EXT1: variants seen among roughly 807,000 people sequenced by gnomAD.
The protein encoded by EXT1 is exostosin glycosyltransferase 1.
A neutral mutation model predicts 82.5 loss-of-function variants in EXT1; 20 were observed. That is an observed-to-expected ratio of 0.24 (90% CI 0.17 to 0.35). The LOEUF (loss-of-function observed/expected upper bound fraction) is 0.35. Ranked by LOEUF, EXT1 falls within the 10% of genes least tolerant of loss-of-function variation. The pLI is 1.00. For missense variants in EXT1, 757 were observed against 936.5 expected (o/e 0.81, Z 2.50); for synonymous variants, 348 against 350.8 (o/e 0.99, Z 0.09).
chr8:117,927,559 T>C (rs1813976768), intron 1 of EXT1, among the ~76,000 whole-genome samples: 1 of 151,642 alleles, frequency 6.6e-6, no homozygotes, highest in Non-Finnish European at 1.5e-5. Context: ...GGATTCAGAC[T>C]CTCAAAAGAG....
At chr8:117,886,767 T>A (rs184006811) in intron 1 of EXT1, among the ~76,000 whole-genome samples, 135 of 152,328 alleles carry the variant, frequency 8.9e-4, no homozygotes, top group African/African-American at 2.7e-3. Flanking sequence ...ATTTGTCAAT[T>A]TCAGAAGGGG....
At chr8:118,027,181 A>T (rs1816217689) in intron 1 of EXT1, among the ~76,000 whole-genome samples, 2 of 152,204 alleles carry the variant, frequency 1.3e-5, no homozygotes, top group African/African-American at 4.8e-5. Context: ...TAGTGTTTTG[A>T]AAGAAACTCA....
intron 1 of EXT1, among the ~76,000 whole-genome samples, chr8:118,029,718 T>C (rs1816273735): frequency 6.6e-6 from 1 of 152,210 alleles, no homozygotes; most frequent in African/African-American, 2.4e-5. Context: ...CTGAATGTGA[T>C]AGGCCAATAA....
chr8:117,995,457 G>A (rs1428587947), intron 1 of EXT1, among the ~76,000 whole-genome samples: 2 of 152,132 alleles, frequency 1.3e-5, no homozygotes, highest in Non-Finnish European at 2.9e-5. Context: ...CTGGGTATGC[G>A]GCTGGTTTTC....
chr8:117,852,717 C>A (rs2129834949), intron 1 of EXT1, among the ~76,000 whole-genome samples: 1 of 152,200 alleles, frequency 6.6e-6, no homozygotes, highest in East Asian at 1.9e-4. Flanking sequence ...CTGCAGGAGA[C>A]AATGAGATTC....
chr8:118,039,962 A>C (rs1208890714), intron 1 of EXT1, among the ~76,000 whole-genome samples: 4 of 152,200 alleles, frequency 2.6e-5, no homozygotes, highest in African/African-American at 7.2e-5. Context: ...TGATTCAAAA[A>C]TTCTGTGAAA....
intron 1 of EXT1, among the ~76,000 whole-genome samples, chr8:118,095,296 C>A (rs1056204352): frequency 6.6e-5 from 10 of 152,162 alleles, no homozygotes; most frequent in Non-Finnish European, 2.9e-5. Flanking sequence ...AAACACTACT[C>A]CACCTTTTAA....
At chr8:118,009,828 G>A (rs779772175) in intron 1 of EXT1, among the ~76,000 whole-genome samples, 63 of 152,122 alleles carry the variant, frequency 4.1e-4, no homozygotes, top group Non-Finnish European at 7.2e-4. Context: ...CTCCTGGTCC[G>A]TGAAAAAATT....
chr8:117,970,468 A>G (rs1487153379), intron 1 of EXT1, among the ~76,000 whole-genome samples: 1 of 151,914 alleles, frequency 6.6e-6, no homozygotes, highest in African/African-American at 2.4e-5. Flanking sequence ...ATGCCTGGCT[A>G]ATTTTTTTTG....
chr8:118,003,042 CAT>C (rs571428733), intron 1 of EXT1, among the ~76,000 whole-genome samples: 4 of 152,040 alleles, frequency 2.6e-5, no homozygotes, highest in Admixed American at 1.3e-4. Context: ...TATACACACA[CAT>C]ATACACACCA....
chr8:118,063,589 T>C (rs1187678652), intron 1 of EXT1, among the ~76,000 whole-genome samples: 1 of 152,200 alleles, frequency 6.6e-6, no homozygotes, highest in Non-Finnish European at 1.5e-5. Context: ...GTCTTGAAAA[T>C]GAATTGCTTC....
At chr8:118,017,066 T>C (rs557015548) in intron 1 of EXT1, among the ~76,000 whole-genome samples, 1 of 152,364 alleles carries the variant, frequency 6.6e-6, no homozygotes, top group South Asian at 2.1e-4. Context: ...ATTTAGCATC[T>C]TGTTCTCCCA....
chr8:117,820,381 G>A (rs1811902983), intron 5 of EXT1, among the ~76,000 whole-genome samples: 1 of 152,078 alleles, frequency 6.6e-6, no homozygotes, highest in African/African-American at 2.4e-5. Context: ...CCAAATATGG[G>A]GTTATCTTGA....
chr8:117,845,752 C>T (rs1449399719), intron 1 of EXT1, among the ~76,000 whole-genome samples: 4 of 151,974 alleles, frequency 2.6e-5, no homozygotes, highest in Non-Finnish European at 5.9e-5. Flanking sequence ...CATGCCTGGC[C>T]AGATATAAAT....
intron 1 of EXT1, among the ~76,000 whole-genome samples, chr8:117,865,492 T>C (rs995753849): frequency 2.6e-5 from 4 of 152,220 alleles, no homozygotes; most frequent in Non-Finnish European, 4.4e-5. Flanking sequence ...TCCAGTGGAC[T>C]TACTTAGAAA....
chr8:117,913,649 T>C (rs765515112), intron 1 of EXT1, among the ~76,000 whole-genome samples: 2 of 152,192 alleles, frequency 1.3e-5, no homozygotes, highest in African/African-American at 2.4e-5. Flanking sequence ...AGAGAGGATC[T>C]GGTGGCCTGC....
At chr8:117,814,515 A>G (rs1174027640) in intron 7 of EXT1, among the ~76,000 whole-genome samples, 2 of 152,058 alleles carry the variant, frequency 1.3e-5, no homozygotes, top group Non-Finnish European at 2.9e-5. Context: ...TGAGATACAC[A>G]GGTTAAGTAT....
chr8:118,045,247 T>C (rs1173939935), intron 1 of EXT1, among the ~76,000 whole-genome samples: 1 of 152,198 alleles, frequency 6.6e-6, no homozygotes, highest in Non-Finnish European at 1.5e-5. Context: ...TTAGAAATAT[T>C]TATTGCTCGC....
intron 3 of EXT1, among the ~76,000 whole-genome samples, chr8:117,831,000 G>A (rs963761907): frequency 4.6e-5 from 7 of 152,168 alleles, no homozygotes; most frequent in Non-Finnish European, 1.0e-4. Flanking sequence ...CAATTTTAAA[G>A]GAAGGACCTA....
Sources: gnomAD v4.1 joint callset for allele counts (sites outside exome capture counted in the v4.1 genomes callset) on GRCh38, gnomAD v4.1.1 for gene constraint, MANE v1.5 for transcripts, NCBI Gene and HGNC (gene_info 2026-07-23, HGNC 2026-07-21) for gene names.